The following MYH11 variants were observed in gnomAD, a reference collection of about 807,000 sequenced individuals.
MYH11 encodes myosin-11.
A neutral mutation model predicts 246.6 loss-of-function variants in MYH11; 80 were observed. The observed-to-expected ratio is 0.32, with a 90% CI of 0.27 to 0.39. The LOEUF (loss-of-function observed/expected upper bound fraction) is 0.39. Ranked by LOEUF, MYH11 falls within the 10% of genes least tolerant of loss-of-function variation. MYH11 has a pLI of 1.00. For synonymous variants in MYH11, 1,071 were observed against 1,015.5 expected (o/e 1.05, Z -1.04); for missense variants, 2,158 against 2,546.8 (o/e 0.85, Z 3.29).
chr16:15,735,485 T>G lies in MYH11; in HGVS notation c.3387A>C (p.Ser1129=), dbSNP rs1176049684. Residue 1129 remains serine, a synonymous_variant, in exon 26 of 41, where the codon TCA becomes TCC. Transcript: ENST00000300036. ...HISDLQEDLD[S]ERAARNKAEK... is the part of the protein sequence containing the mutation. The stretch of plus-strand genomic sequence containing the variant: ...CAGCCTTGTTCCTGGCGGCCCGCTC[T>G]GAGTCCAGGTCCTCCTGGAGGTCTG... 6.2e-7 allele frequency: 1 copy of G among 1,614,180 alleles called. No homozygotes were observed. The highest frequency in any genetic ancestry group is 1.3e-5 in the African/African-American group (1 of 75,044).
At chr16:15,856,574 A>AT (rs2044476896) in intron 1 of MYH11, among the ~76,000 whole-genome samples, 3 of 151,708 alleles carry the variant, frequency 2.0e-5, no homozygotes, top group African/African-American at 4.8e-5. Flanking sequence ...CCAAGGGAGC[A>AT]TATCTCCTGG....
intron 8 of MYH11, among the ~76,000 whole-genome samples, chr16:15,773,257 G>A (rs1392614522): frequency 6.7e-6 from 1 of 149,626 alleles, no homozygotes; most frequent in Admixed American, 6.7e-5. Context: ...CAAAAATGCA[G>A]CTTTCTTATA....
chr16:15,836,354 G>A (rs1455755829), intron 2 of MYH11, among the ~76,000 whole-genome samples: 3 of 152,112 alleles, frequency 2.0e-5, no homozygotes, highest in Non-Finnish European at 4.4e-5. Flanking sequence ...TTGACCTAGG[G>A]CCAACACAAC....
chr16:15,756,270 A>G (rs1039605599), intron 14 of MYH11, 71 bp downstream of exon 14: 1 of 1,557,440 alleles, frequency 6.4e-7, no homozygotes, highest in Non-Finnish European at 8.8e-7. Flanking sequence ...TGCCACTCTC[A>G]GACTGTCTCT....
chr16:15,735,371 C>T lies in MYH11; in HGVS notation c.3501G>A (p.Glu1167=), dbSNP rs1345916789. 1.4e-5 allele frequency: 22 copies of T among 1,613,618 alleles called. No homozygotes were observed. The highest frequency in any genetic ancestry group is 1.9e-5 in the Non-Finnish European group (22 of 1,179,998). The part of the protein sequence containing the change: ...DTLDSTATQQ[E]LRAKREQEVT... The stretch of plus-strand genomic sequence containing the variant: ...GGGATTGATGGGCCCCTCACCTGAG[C>T]TCCTGCTGAGTGGCTGTGCTGTCCA... Residue 1167 remains glutamate (E), a synonymous_variant, in exon 26 of 41, where the codon GAG becomes GAA. Transcript: ENST00000300036.
At chr16:15,768,236 G>A (rs2042026715) in intron 9 of MYH11, among the ~76,000 whole-genome samples, 1 of 152,200 alleles carries the variant, frequency 6.6e-6, no homozygotes, top group African/African-American at 2.4e-5. Context: ...CATCAGACAT[G>A]TGTACCACCA....
rs558263385 is a variant in MYH11, at chr16:15,813,941, G to C, written c.502+9314C>G. ...AGGCTGAGGTGAGTGGATCACCTGA[G>C]GTCAGGAGCTCGAGACGAGCCTGGC... On this transcript the variant is annotated intron_variant, in intron 3 of 40. Coordinates refer to ENST00000300036, the MANE Select transcript of MYH11 (RefSeq NM_002474.3). Among the ~76,000 whole-genome samples, 4 of 151,808 alleles carry C rather than the reference G, an allele frequency of 2.6e-5. No individual in the cohort carries two copies. The East Asian group carries it at 5.8e-4, about 22-fold the overall frequency.
intron 26 of MYH11, among the ~76,000 whole-genome samples, chr16:15,733,900 T>C (rs1272590275): frequency 6.6e-6 from 1 of 152,230 alleles, no homozygotes; most frequent in East Asian, 1.9e-4. Context: ...AACGCTGTGC[T>C]CTATGTGCAT....
chr16:15,781,868 T>C (rs1011305942), intron 6 of MYH11, among the ~76,000 whole-genome samples: 2 of 152,078 alleles, frequency 1.3e-5, no homozygotes, highest in East Asian at 3.9e-4. Flanking sequence ...ACAAAGAGAA[T>C]GGTGGTACAT....
In MYH11 at chr16:15,718,456, A is replaced by C; in HGVS notation, c.5172-18T>G. 2 of 1,545,582 alleles carry C rather than the reference A, an allele frequency of 1.3e-6. No homozygotes were observed. Among genetic ancestry groups the C allele is most frequent in the Non-Finnish European group, 8.7e-7 (1 of 1,149,324 alleles). On this transcript the variant is annotated intron_variant, in intron 36 of 40. Coordinates refer to ENST00000300036, the MANE Select transcript of MYH11 (RefSeq NM_002474.3). ...GTGCGTTCCTGGGGGAAGGGCGGCC[A>C]TGGTGGGGGCCTCTACCCTCCCCCG...
chr16:15,758,954 ACT>A (rs1276295524), intron 12 of MYH11, among the ~76,000 whole-genome samples: 1 of 144,994 alleles, frequency 6.9e-6, no homozygotes, highest in African/African-American at 2.6e-5. Context: ...ACAGAGCAAG[ACT>A]CTGTCTCAAA....
At chr16:15,844,411 T>C (rs1042410153) in intron 1 of MYH11, among the ~76,000 whole-genome samples, 2 of 152,194 alleles carry the variant, frequency 1.3e-5, no homozygotes, top group Non-Finnish European at 2.9e-5. Flanking sequence ...TTGTCCAGGC[T>C]GGTCTCAAAC....
intron 28 of MYH11, 142 bp from the exon 29 acceptor site, chr16:15,725,134 T>TAAA (rs60544332): frequency 3.8e-4 from 203 of 540,664 alleles, no homozygotes; most frequent in South Asian, 6.7e-4. Flanking sequence ...GGGACTCTGA[T>TAAA]AAAAAAAAAA....
At chr16:15,739,244 C>T (rs768514418) in intron 23 of MYH11, among the ~76,000 whole-genome samples, 28 of 151,948 alleles carry the variant, frequency 1.8e-4, no homozygotes, top group East Asian at 3.9e-4. Flanking sequence ...GGACTACAGG[C>T]GCCCGCCAAC....
At chr16:15,807,789 C>T (rs568746717) in intron 3 of MYH11, among the ~76,000 whole-genome samples, 1 of 152,300 alleles carries the variant, frequency 6.6e-6, no homozygotes, top group South Asian at 2.1e-4. Flanking sequence ...AGGCCCCAGG[C>T]ACGTTTCCTG....
At chr16:15,758,088 C>T in intron 12 of MYH11, 88 bp from the exon 13 acceptor site, 1 of 1,578,210 alleles carries the variant, frequency 6.3e-7, no homozygotes, top group Non-Finnish European at 8.7e-7. Flanking sequence ...CCCGACAGCG[C>T]CCCCATGGCC....
At chr16:15,756,108 A>G (rs771755643) in intron 14 of MYH11, among the ~76,000 whole-genome samples, 4 of 149,518 alleles carry the variant, frequency 2.7e-5, no homozygotes, top group Non-Finnish European at 5.9e-5. Context: ...CAACAAAAAC[A>G]GAAAGAAATA....
rs773829617 is a variant in MYH11, at chr16:15,753,396, T to C, written c.1862A>G (p.Asp621Gly). 3.7e-6 allele frequency: 6 copies of C among 1,613,054 alleles called. No individual in the cohort carries two copies. The highest frequency in any genetic ancestry group is 5.1e-6 in the Non-Finnish European group (6 of 1,179,112). Residue 621 changes from aspartate (D) to glycine (G), a missense_variant and splice_region_variant, in exon 15 of 41, where the codon GAC becomes GGC. Around this residue, in one of 11 missense-constraint regions of MYH11, gnomAD observed 317 missense variants for 507.7 expected, o/e 0.62. Coordinates refer to ENST00000300036, the MANE Select transcript of MYH11 (RefSeq NM_002474.3). ...SDKFVADLWK[D>G]VDRIVGLDQM... ...GACCCGAGCAGAGAAGGCCTTACCGTCCTTCCACAGGTCGGCCACAAACTT... is the reference window on the plus strand; with the variant it reads ...GACCCGAGCAGAGAAGGCCTTACCGCCCTTCCACAGGTCGGCCACAAACTT...
At chr16:15,823,204 G>T in intron 3 of MYH11, 51 bp downstream of exon 3, 1 of 1,611,766 alleles carries the variant, frequency 6.2e-7, no homozygotes, top group Non-Finnish European at 8.5e-7. Flanking sequence ...AGACAAGCAG[G>T]ACAGGAGGGG....
Sources: gnomAD v4.1 joint callset for allele counts (sites outside exome capture counted in the v4.1 genomes callset) on GRCh38, gnomAD v4.1.1 for gene constraint, gnomAD v4.1.1 regional missense constraint, MANE v1.5 for transcripts, NCBI Gene and HGNC (gene_info 2026-07-23, HGNC 2026-07-21) for gene names.